The following HERC1 variants were observed in gnomAD, a reference collection of about 807,000 sequenced individuals.
HERC1 encodes the protein HECT and RLD domain containing E3 ubiquitin protein ligase family member 1.
HERC1 carries 160 observed loss-of-function variants against 554.3 expected under a neutral mutation model. The observed-to-expected ratio is 0.29, with a 90% CI of 0.25 to 0.33. HERC1 has a LOEUF of 0.33. Among genes scored for constraint, HERC1 ranks in the 10% least tolerant of loss-of-function variants. The pLI is 1.00. For synonymous variants in HERC1, 2,175 were observed against 2,131.7 expected, an observed-to-expected ratio of 1.02 and a Z score of -0.56; for missense variants, 4,919 against 5,918.5, an observed-to-expected ratio of 0.83 and a Z score of 5.54.
chr15:63,625,693 CAA>C (rs536157824), intron 71 of HERC1, among the ~76,000 whole-genome samples: 9 of 111,826 alleles, frequency 8.0e-5, no homozygotes, highest in Admixed American at 9.5e-5. Flanking sequence ...GACTCCATCT[CAA>C]AAAAAAAAAA....
chr15:63,769,587 C>T (rs1856798767), intron 2 of HERC1, among the ~76,000 whole-genome samples: 1 of 151,434 alleles, frequency 6.6e-6, no homozygotes, highest in Non-Finnish European at 1.5e-5. Flanking sequence ...GGTGTGGTGG[C>T]TCACGCCTGT....
At chr15:63,707,951 A>AAAAAAAG (rs1555425271) in intron 24 of HERC1, among the ~76,000 whole-genome samples, 2 of 149,518 alleles carry the variant, frequency 1.3e-5, no homozygotes, top group African/African-American at 5.0e-5. Flanking sequence ...AAAAAAAAAA[A>AAAAAAAG]AAGAAGAAGT....
At chr15:63,763,391 A>G (rs2075672742) in intron 3 of HERC1, among the ~76,000 whole-genome samples, 1 of 152,218 alleles carries the variant, frequency 6.6e-6, no homozygotes, top group African/African-American at 2.4e-5. Context: ...CTCTGGATCC[A>G]GCTGCCAATT....
intron 68 of HERC1, chr15:63,632,452 G>A: frequency 3.9e-6 from 2 of 511,978 alleles, no homozygotes; most frequent in South Asian, 2.0e-5. Flanking sequence ...AAAAGAAGAG[G>A]GGACGGCCCT....
intron 26 of HERC1, among the ~76,000 whole-genome samples, chr15:63,697,518 G>A (rs966955948): frequency 2.0e-5 from 3 of 146,718 alleles, no homozygotes; most frequent in African/African-American, 5.1e-5. Flanking sequence ...GCAATGGCGC[G>A]ATCTCGGCTC....
chr15:63,688,979 T>A (rs1222639452), intron 33 of HERC1, among the ~76,000 whole-genome samples: 1 of 152,124 alleles, frequency 6.6e-6, no homozygotes, highest in African/African-American at 2.4e-5. Flanking sequence ...TCAAAGCATG[T>A]TGGTCCCCTG....
chr15:63,795,013 C>T (rs1172732602), intron 1 of HERC1, among the ~76,000 whole-genome samples: 1 of 135,200 alleles, frequency 7.4e-6, no homozygotes, highest in Admixed American at 8.5e-5. Context: ...TTGCAGTTAG[C>T]CAAGATTGTG....
At chr15:63,650,409 T>C (rs966731922) in intron 53 of HERC1, among the ~76,000 whole-genome samples, 5 of 151,840 alleles carry the variant, frequency 3.3e-5, no homozygotes, top group African/African-American at 1.2e-4. Flanking sequence ...TTAATGTTTT[T>C]CTGTAACCTT....
At chr15:63,828,374 T>C (rs758515350) in intron 1 of HERC1, among the ~76,000 whole-genome samples, 2 of 152,012 alleles carry the variant, frequency 1.3e-5, no homozygotes, top group Non-Finnish European at 2.9e-5. Flanking sequence ...AGTTTTGCTC[T>C]TGTTGCCCAG....
intron 74 of HERC1, among the ~76,000 whole-genome samples, chr15:63,619,203 G>A (rs956653875): frequency 2.0e-5 from 3 of 152,182 alleles, no homozygotes; most frequent in East Asian, 1.9e-4. Flanking sequence ...TTTTTAGCAT[G>A]AAGCGTTGTT....
chr15:63,659,394 G>C (rs1326233711), intron 47 of HERC1, among the ~76,000 whole-genome samples: 1 of 152,012 alleles, frequency 6.6e-6, no homozygotes, highest in Non-Finnish European at 1.5e-5. Context: ...TGGGACTAAA[G>C]GTGCACACCA....
intron 44 of HERC1, 119 bp downstream of exon 44, chr15:63,662,865 G>C: frequency 1.4e-6 from 1 of 692,830 alleles, no homozygotes. Context: ...CCAAACCTCA[G>C]GATGAGATAA....
In HERC1 at chr15:63,807,451, T is replaced by A. The variant is rs569298123; in HGVS notation, c.-27+26376A>T. Among the ~76,000 whole-genome samples the A allele has an allele frequency of 3.3e-5, 5 of 152,288 alleles. No homozygotes were observed. The East Asian group carries it at 7.7e-4, about 24-fold the overall frequency. On this transcript the variant is annotated intron_variant, in intron 1 of 77. Transcript: ENST00000443617. ...TTGGCTTCCATTGCTCCAGCTCTCATCAGTTTCCAGTGTTCCTCTTCTTTT... is the reference window on the plus strand; with the variant it reads ...TTGGCTTCCATTGCTCCAGCTCTCAACAGTTTCCAGTGTTCCTCTTCTTTT...
At chr15:63,744,148 GTGTGTGTGTGTGTGTGTCTC>G (rs1329617664) in intron 12 of HERC1, among the ~76,000 whole-genome samples, 462 of 42,352 alleles carry the variant, frequency 0.011, 4 homozygotes, top group African/African-American at 0.029. Flanking sequence ...GTGTGTGTGT[GTGTGTGTGTGTGTGTGTCTC>G]TCTCTCTCTC....
intron 1 of HERC1, among the ~76,000 whole-genome samples, chr15:63,820,052 G>A (rs991043228): frequency 6.6e-6 from 1 of 152,130 alleles, no homozygotes; most frequent in Non-Finnish European, 1.5e-5. Context: ...GCTAGATTTA[G>A]TCATTCCACA....
chr15:63,800,945 A>G (rs149348648), intron 1 of HERC1, among the ~76,000 whole-genome samples: 260 of 152,296 alleles, frequency 1.7e-3, no homozygotes, highest in African/African-American at 6.0e-3. Context: ...AAGGGAGAGG[A>G]AAAGGGGTGG....
intron 3 of HERC1, among the ~76,000 whole-genome samples, chr15:63,763,587 T>A (rs928774490): frequency 6.6e-6 from 1 of 152,024 alleles, no homozygotes; most frequent in African/African-American, 2.4e-5. Flanking sequence ...TCCTTTTTTT[T>A]TTTTTAATGG....
At position 63,775,135 on chromosome 15, in the gene HERC1, T is replaced by C. The variant is rs1297929130; in HGVS notation, c.489A>G (p.Arg163=). The part of the protein sequence containing the change: ...STDALIEMGV[R]TGLSLLFALL... ...GCGCAAATAATAAACTTAGACCAGT[T>C]CGAACACCCATTTCTATAAGTGCAT... Residue 163 remains arginine (R), a synonymous_variant, in exon 2 of 78, where the codon CGA becomes CGG. Coordinates refer to ENST00000443617, the MANE Select transcript of HERC1 (RefSeq NM_003922.4). The surrounding 1 kb of genome is among the most constrained non-coding windows in gnomAD (Gnocchi z 4.0). The C allele has an allele frequency of 6.2e-7, 1 of 1,613,970 alleles. No homozygotes were observed. Among genetic ancestry groups the C allele is most frequent in the African/African-American group, 1.3e-5 (1 of 75,024 alleles).
At chr15:63,724,633 T>TA (rs1447904380) in intron 18 of HERC1, among the ~76,000 whole-genome samples, 2 of 152,218 alleles carry the variant, frequency 1.3e-5, no homozygotes, top group African/African-American at 4.8e-5. Context: ...TAATATCATG[T>TA]AGCCTGTCTA....
Sources: allele counts gnomAD v4.1 joint callset (sites outside exome capture counted in the v4.1 genomes callset), GRCh38; gene constraint gnomAD v4.1.1; non-coding constraint Gnocchi (gnomAD v3.1); transcripts MANE v1.5; gene names NCBI Gene and HGNC (gene_info 2026-07-23, HGNC 2026-07-21).